The following STRN3 variants were observed in gnomAD, a reference collection of about 807,000 sequenced individuals.
The protein encoded by STRN3 is striatin 3.
In STRN3, 29 loss-of-function variants were observed where a neutral mutation model predicts 95.6. That is an observed-to-expected ratio of 0.30 (90% CI 0.23 to 0.41). The LOEUF is 0.41. Ranked by LOEUF, STRN3 falls within the 10% of genes least tolerant of loss-of-function variation. The pLI is 1.00. For synonymous variants in STRN3, 331 were observed against 357.6 expected (o/e 0.93, Z 0.84); for missense variants, 890 against 972.1 (o/e 0.92, Z 1.12).
In STRN3 at chr14:30,990,232, G is replaced by A. The variant is rs371916743; in HGVS notation, c.283-33990C>T. Among the ~76,000 whole-genome samples the A allele has an allele frequency of 1.2e-4, 18 of 150,450 alleles. 2 individuals are homozygous for A. Among genetic ancestry groups the A allele is most frequent in the African/African-American group, 2.5e-4 (10 of 40,630 alleles). ...GGCTGGAGTACAGTGGCGCAATCTCGGCTCACTGCAAGCTCTGCCTCTCGG... is the reference window on the plus strand; with the variant it reads ...GGCTGGAGTACAGTGGCGCAATCTCAGCTCACTGCAAGCTCTGCCTCTCGG... On this transcript the variant is annotated intron_variant, in intron 1 of 17. Coordinates refer to ENST00000357479, the MANE Select transcript of STRN3 (RefSeq NM_001083893.2).
chr14:30,910,999 T>G (rs757220850), intron 13 of STRN3, 42 bp downstream of exon 13: 1 of 1,550,344 alleles, frequency 6.5e-7, no homozygotes, highest in South Asian at 1.1e-5. Context: ...TTTTGTCAGC[T>G]CCATTCACTT....
chr14:30,919,710 G>A (rs1196642278), intron 8 of STRN3, among the ~76,000 whole-genome samples: 1 of 151,976 alleles, frequency 6.6e-6, no homozygotes, highest in Non-Finnish European at 1.5e-5. Context: ...TGAAAAACCT[G>A]ATTTATCCAT....
At position 30,939,196 on chromosome 14, in the gene STRN3, T is replaced by C. The variant is rs146044074; in HGVS notation, c.717-2572A>G. 1.9e-3 allele frequency among the ~76,000 whole-genome samples: 291 copies of C among 152,284 alleles called. 2 individuals are homozygous for C. Among genetic ancestry groups the C allele is most frequent in the African/African-American group, 6.9e-3 (286 of 41,560 alleles). ...TTTATACTGAACAGTAAGCATGACTTCCCAGAAGACTGTCTCTATCTTACA... is the reference window on the plus strand; with the variant it reads ...TTTATACTGAACAGTAAGCATGACTCCCCAGAAGACTGTCTCTATCTTACA... On this transcript the variant is annotated intron_variant, in intron 5 of 17. Transcript: ENST00000357479.
intron 1 of STRN3, 171 bp downstream of exon 1, chr14:31,025,733 G>A (rs777781307): frequency 2.4e-4 from 210 of 891,962 alleles, no homozygotes; most frequent in Non-Finnish European, 3.1e-4. Context: ...GGGAAAGAGG[G>A]AGGGGGACTC....
intron 15 of STRN3, among the ~76,000 whole-genome samples, chr14:30,903,060 A>G (rs909895745): frequency 7.2e-5 from 11 of 152,264 alleles, no homozygotes; most frequent in Middle Eastern, 3.4e-3. Flanking sequence ...AAACAAAAAA[A>G]CAAAGAACTG....
chr14:30,904,410 T>C (rs1478242961), intron 15 of STRN3, among the ~76,000 whole-genome samples: 2 of 152,192 alleles, frequency 1.3e-5, no homozygotes, highest in Non-Finnish European at 2.9e-5. Flanking sequence ...TGAGAGAGTA[T>C]GATGATACCA....
rs921860938 is a variant in STRN3 at position 30,921,071 on chromosome 14, TAC to T, written c.1100-1967_1100-1966del. Among the ~76,000 whole-genome samples the T allele has an allele frequency of 2.4e-3, 278 of 116,680 alleles. 4 individuals carry two copies. Among genetic ancestry groups the T allele is most frequent in the African/African-American group, 8.1e-3 (254 of 31,284 alleles). 76.5% of individuals were successfully genotyped at this position (116,680 alleles called of 152,430 possible). On this transcript the variant is annotated intron_variant, in intron 8 of 17. Coordinates refer to ENST00000357479, the MANE Select transcript of STRN3 (RefSeq NM_001083893.2). ...TGAGAAGGCTTTCTACACATACATATACACACACACACACACACACACACACA... is the reference window on the plus strand; with the variant it reads ...TGAGAAGGCTTTCTACACATACATATACACACACACACACACACACACACA...
At chr14:30,927,930 C>CAAAAA (rs56216107) in intron 8 of STRN3, among the ~76,000 whole-genome samples, 2 of 85,102 alleles carry the variant, frequency 2.4e-5, no homozygotes, top group African/African-American at 4.5e-5. Context: ...GAGACTCCGT[C>CAAAAA]AAAAAAAAAA....
chr14:30,942,087 T>C (rs1879121171), intron 5 of STRN3, among the ~76,000 whole-genome samples: 1 of 152,210 alleles, frequency 6.6e-6, no homozygotes, highest in South Asian at 2.1e-4. Context: ...TGCACTTATG[T>C]TTAATAAGCT....
In STRN3 at chr14:30,929,967, A is replaced by AAAACAAAAAAAAAAAC. The variant is rs1555317341; in HGVS notation, c.989-657_989-656insGTTTTTTTTTTTGTTT. 1.5e-4 allele frequency among the ~76,000 whole-genome samples: 14 copies of AAAACAAAAAAAAAAAC among 91,122 alleles called. No individual in the cohort carries two copies. In the South Asian group the frequency reaches 1.9e-3, roughly 12 times the overall value. The allele number at this position is 91,122 out of a possible 152,430, so 59.8% of individuals were successfully genotyped here. A position where few individuals can be genotyped will look rare whatever the true frequency, so the allele number is the denominator to read the frequency against. On this transcript the variant is annotated intron_variant, in intron 7 of 17. Coordinates refer to ENST00000357479, the MANE Select transcript of STRN3 (RefSeq NM_001083893.2). ...AACTAAGATTAGCAAAAAAAAAAAA[A>AAAACAAAAAAAAAAAC]AAAAAAAAAAAACTCAAATTCCACT...
At position 31,007,284 on chromosome 14, in the gene STRN3, A is replaced by C. The variant is rs748056274; in HGVS notation, c.282+18620T>G. On this transcript the variant is annotated intron_variant, in intron 1 of 17. Transcript: ENST00000357479. ...AGCAAGAGAATGGATATCTCTAGAA[A>C]GCAAGTCTTCTCCTCCCCCTCCAAG... Among the ~76,000 whole-genome samples, 132 of 152,350 alleles carry C rather than the reference A, an allele frequency of 8.7e-4. 1 individual carries two copies. The Middle Eastern group carries it at 0.024, about 27-fold the overall frequency.
intron 8 of STRN3, among the ~76,000 whole-genome samples, chr14:30,922,070 G>C (rs1046393112): frequency 6.6e-6 from 1 of 151,688 alleles, no homozygotes; most frequent in African/African-American, 2.4e-5. Context: ...AAAAAATTTT[G>C]TAGAGACAGG....
chr14:31,026,295 G>T lies in STRN3; in HGVS notation c.-110C>A, dbSNP rs1883926007. The T allele has an allele frequency of 8.3e-7, 1 of 1,199,190 alleles. No individual in the cohort carries two copies. The highest frequency in any genetic ancestry group is 1.1e-6 in the Non-Finnish European group (1 of 926,476). The allele number at this position is 1,199,190 out of a possible 1,614,324, so 74.3% of individuals were successfully genotyped here. A position where few individuals can be genotyped will look rare whatever the true frequency, so the allele number is the denominator to read the frequency against. The stretch of plus-strand genomic sequence containing the variant: ...GGGGCGGAGGCCGGCCGGGAGAGGG[G>T]CGGGGAAGGGGTCGTTGCTGTGTGC... On this transcript the variant is annotated 5_prime_UTR_variant, in exon 1 of 18. Transcript: ENST00000357479.
At position 30,985,167 on chromosome 14, in the gene STRN3, A is replaced by C. The variant is rs117307115; in HGVS notation, c.283-28925T>G. ...CCCCATTTCTACTAAAAATACAAAA[A>C]ATTACAGCCGGGTGCCTGTAATCCC... is the stretch of plus-strand genomic sequence containing the variant. On this transcript the variant is annotated intron_variant, in intron 1 of 17. Coordinates refer to ENST00000357479, the MANE Select transcript of STRN3 (RefSeq NM_001083893.2). Among the ~76,000 whole-genome samples the C allele has an allele frequency of 1.8e-3, 273 of 150,752 alleles. 4 individuals carry two copies. In the East Asian group the frequency reaches 0.032, roughly 18 times the overall value.
chr14:31,004,605 C>G (rs1404778095), intron 1 of STRN3, among the ~76,000 whole-genome samples: 2 of 151,688 alleles, frequency 1.3e-5, no homozygotes, highest in Non-Finnish European at 2.9e-5. Context: ...GAAATCCTGT[C>G]TCTACCAAAA....
chr14:30,919,134 T>C, intron 8 of STRN3, 28 bp from the exon 9 acceptor site: 1 of 1,571,368 alleles, frequency 6.4e-7, no homozygotes, highest in South Asian at 1.2e-5. Flanking sequence ...CAGTAGAGGT[T>C]CATTTAATGG....
chr14:30,973,384 CAGAG>C (rs531237868), intron 1 of STRN3, among the ~76,000 whole-genome samples: 56 of 150,830 alleles, frequency 3.7e-4, no homozygotes, highest in African/African-American at 1.2e-3. Context: ...GACAAAGAGA[CAGAG>C]AGAGAGAAAG....
rs1236656650 is a variant in STRN3 at position 30,947,277 on chromosome 14, TA to T, written c.543-15del. On this transcript the variant is annotated splice_polypyrimidine_tract_variant and intron_variant, in intron 4 of 17. Transcript: ENST00000357479. ...TCCTGAAGATACCTGTAAGAGAAAATAAATATTAAAATCCACATACTGTTAA... is the reference window on the plus strand; with the variant it reads ...TCCTGAAGATACCTGTAAGAGAAAATAATATTAAAATCCACATACTGTTAA... The T allele has an allele frequency of 6.4e-7, 1 of 1,558,096 alleles. No homozygotes were observed. The highest frequency in any genetic ancestry group is 1.2e-5 in the South Asian group (1 of 82,256).
intron 1 of STRN3, among the ~76,000 whole-genome samples, chr14:31,020,575 C>T (rs996217824): frequency 6.6e-6 from 1 of 151,894 alleles, no homozygotes; most frequent in African/African-American, 2.4e-5. Context: ...TTTCCTATCA[C>T]CATTTATTCT....
Sources: allele counts gnomAD v4.1 joint callset (sites outside exome capture counted in the v4.1 genomes callset), GRCh38; gene constraint gnomAD v4.1.1; transcripts MANE v1.5; gene names NCBI Gene and HGNC (gene_info 2026-07-23, HGNC 2026-07-21).